The following PPP2CB variants were observed in gnomAD, a reference collection of about 807,000 sequenced individuals.
The protein encoded by PPP2CB is serine/threonine-protein phosphatase 2A catalytic subunit beta isoform.
PPP2CB carries 18 observed loss-of-function variants against 39.1 expected under a neutral mutation model. The ratio of observed to expected loss-of-function variants is 0.46; its 90% CI spans 0.32 to 0.68. The LOEUF (loss-of-function observed/expected upper bound fraction) is 0.68. PPP2CB is among the 30% of genes least tolerant of loss of function. The pLI, the probability that PPP2CB is intolerant of heterozygous loss-of-function variation, is 0.04. For synonymous variants in PPP2CB, 129 were observed against 133.8 expected, an observed-to-expected ratio of 0.96 and a Z score of 0.25; for missense variants, 226 against 396.9, an observed-to-expected ratio of 0.57 and a Z score of 3.66.
At position 30,799,641 on chromosome 8, in the gene PPP2CB, C is replaced by T. The variant is rs1240191219; in HGVS notation, c.217G>A (p.Gly73Arg). The T allele has an allele frequency of 1.2e-6, 2 of 1,613,874 alleles. No homozygotes were observed. The highest frequency in any genetic ancestry group is 8.5e-7 in the Non-Finnish European group (1 of 1,179,932). Residue 73 changes from glycine (G) to arginine (R), a missense_variant, in exon 2 of 7, where the codon GGA becomes AGA. Transcript: ENST00000221138. ...HDLMELFRIGGKSPDTNYLFM... is the reference protein window; with the variant it reads ...HDLMELFRIGRKSPDTNYLFM... ...AAGTAGTTTGTATCCGGTGATTTTC[C>T]ACCAATTCTAAAGAGTTCCATAAGA...
chr8:30,793,643 A>G (rs1054457642), intron 5 of PPP2CB: 2 of 285,126 alleles, frequency 7.0e-6, no homozygotes, highest in African/African-American at 2.2e-5. Flanking sequence ...AAGCAAATAT[A>G]GTAAAATATT....
chr8:30,788,815 T>C, intron 6 of PPP2CB, among the ~76,000 whole-genome samples: 1 of 152,228 alleles, frequency 6.6e-6, no homozygotes, highest in East Asian at 1.9e-4. Flanking sequence ...TGTTGCTTAG[T>C]TTTTTCCTGT....
chr8:30,800,014 T>C (rs910416641), intron 1 of PPP2CB, among the ~76,000 whole-genome samples: 1 of 152,224 alleles, frequency 6.6e-6, no homozygotes, highest in Non-Finnish European at 1.5e-5. Context: ...GAAAACTGTC[T>C]GGCAGTTCCT....
chr8:30,789,361 G>T (rs966445499), intron 6 of PPP2CB, among the ~76,000 whole-genome samples: 1 of 152,156 alleles, frequency 6.6e-6, no homozygotes, highest in East Asian at 1.9e-4. Flanking sequence ...TCACAGCCTG[G>T]CTACTGAGGG....
At position 30,797,738 on chromosome 8, in the gene PPP2CB, C is replaced by T. The variant is rs376338377; in HGVS notation, c.329G>A (p.Arg110His). ...LVALKVRYPE[R>H]ITILRGNHES... Reference sequence around the variant, plus strand: ...GTGATTTCCTCTCAATATTGTAATGCGTTCTGGATAACGCACCTGGAAGAA... The same window carrying T: ...GTGATTTCCTCTCAATATTGTAATGTGTTCTGGATAACGCACCTGGAAGAA... Residue 110 changes from arginine to histidine, a missense_variant, in exon 3 of 7, where the codon CGC becomes CAC. Physicochemically the swap from Arg to His is conservative, Grantham distance 29. Transcript: ENST00000221138. 1 of 1,613,274 alleles carries T rather than the reference C, an allele frequency of 6.2e-7. No homozygotes were observed. The highest frequency in any genetic ancestry group is 1.3e-5 in the African/African-American group (1 of 74,986).
chr8:30,792,186 T>C (rs533987790), intron 5 of PPP2CB, among the ~76,000 whole-genome samples: 73 of 150,902 alleles, frequency 4.8e-4, no homozygotes, highest in African/African-American at 1.6e-3. Flanking sequence ...CCCCGAGTAG[T>C]TGGGACTACA....
chr8:30,794,824 A>G (rs2128760973), intron 3 of PPP2CB, among the ~76,000 whole-genome samples: 1 of 152,308 alleles, frequency 6.6e-6, no homozygotes, highest in Non-Finnish European at 1.5e-5. Context: ...TTTCTCTTAC[A>G]GCAAACACTC....
rs1455442353 is a variant in PPP2CB at position 30,786,581 on chromosome 8, ATAAT to A, written c.858-278_858-275del. On this transcript the variant is annotated intron_variant, in intron 6 of 6. Transcript: ENST00000221138. ...ATGTTATTATTATTTAAAAGCTTAAATAATTAAAGATTAAATAATATCAAGTTTA... is the reference window on the plus strand; with the variant it reads ...ATGTTATTATTATTTAAAAGCTTAAATAAAGATTAAATAATATCAAGTTTA... 11 of 198,106 alleles carry A rather than the reference ATAAT, an allele frequency of 5.6e-5. No homozygotes were observed. In the East Asian group the frequency reaches 5.6e-4, roughly 10 times the overall value. The allele number at this position is 198,106 out of a possible 1,614,324, so 12.3% of individuals were successfully genotyped here. A position where few individuals can be genotyped will look rare whatever the true frequency, so the allele number is the denominator to read the frequency against.
chr8:30,786,944 C>A (rs1201743445), intron 6 of PPP2CB, among the ~76,000 whole-genome samples: 2 of 152,116 alleles, frequency 1.3e-5, no homozygotes, highest in African/African-American at 4.8e-5. Context: ...GGATTACAGG[C>A]GTGAGCCACC....
intron 1 of PPP2CB, chr8:30,810,282 C>T (rs916596997): frequency 6.6e-6 from 1 of 152,272 alleles, no homozygotes; most frequent in African/African-American, 2.4e-5. Flanking sequence ...AAAACCCCAT[C>T]TCTACTAGAA....
intron 1 of PPP2CB, among the ~76,000 whole-genome samples, chr8:30,805,323 G>C (rs554773418): frequency 3.3e-5 from 5 of 152,302 alleles, no homozygotes; most frequent in Admixed American, 2.6e-4. Flanking sequence ...ACTTTGGGAG[G>C]CTGAGGCAGG....
intron 6 of PPP2CB, 108 bp from the exon 7 acceptor site, chr8:30,786,415 A>G (rs1179588228): frequency 3.5e-6 from 3 of 866,258 alleles, no homozygotes; most frequent in Non-Finnish European, 3.6e-6. Flanking sequence ...CTTTCCCACC[A>G]TGACTACATC....
Position 30,802,651 on chromosome 8 carries a change from C to T in PPP2CB, c.103-2896G>A, listed in dbSNP as rs892708204. Among the ~76,000 whole-genome samples the T allele has an allele frequency of 5.3e-5, 8 of 151,746 alleles. 1 individual carries two copies. The highest frequency in any genetic ancestry group is 2.0e-4 in the Admixed American group (3 of 15,234). ...TGAGCCACCGTGACTGGCCAATGCTCGAAATTTTAAAAAACAAATTCTGTA... is the reference window on the plus strand; with the variant it reads ...TGAGCCACCGTGACTGGCCAATGCTTGAAATTTTAAAAAACAAATTCTGTA... On this transcript the variant is annotated intron_variant, in intron 1 of 6. Transcript: ENST00000221138.
chr8:30,797,497 A>G, intron 3 of PPP2CB, 84 bp downstream of exon 3: 1 of 1,315,792 alleles, frequency 7.6e-7, no homozygotes, highest in South Asian at 1.5e-5. Context: ...AACACAGGTC[A>G]TATGAATCTA....
At chr8:30,803,423 T>C (rs1250927295) in intron 1 of PPP2CB, among the ~76,000 whole-genome samples, 1 of 152,064 alleles carries the variant, frequency 6.6e-6, no homozygotes, top group Non-Finnish European at 1.5e-5. Context: ...TGTATTCCTG[T>C]AGTCTCAGCT....
At chr8:30,799,777 C>T (rs372626565) in intron 1 of PPP2CB, 22 bp from the exon 2 acceptor site, 578 of 1,599,114 alleles carry the variant, frequency 3.6e-4, no homozygotes, top group Non-Finnish European at 4.3e-4. Flanking sequence ...GTGAAATCAA[C>T]AATTACAAAG....
In PPP2CB at chr8:30,791,214, G is replaced by A. The variant is rs1806422352; in HGVS notation, c.840C>T (p.Asp280=). 3 of 1,603,612 alleles carry A rather than the reference G, an allele frequency of 1.9e-6. No individual in the cohort carries two copies. The highest frequency in any genetic ancestry group is 4.5e-5 in the East Asian group (2 of 44,696). The change falls in exon 6 of 7, where the codon GAC becomes GAT. Residue 280 remains aspartate (D), a synonymous_variant. Transcript: ENST00000221138. ...GNQAAIMELD[D]TLKYSFLQFD... ...TTACTCACAAGGAATATTTTAAAGT[G>A]TCATCTAATTCCATGATAGCAGCCT...
chr8:30,799,800 TTTC>T (rs1377552818), intron 1 of PPP2CB, 45 bp from the exon 2 acceptor site: 3 of 1,552,346 alleles, frequency 1.9e-6, no homozygotes, highest in Admixed American at 1.8e-5. Context: ...AAAACTATCA[TTTC>T]TTATCTATTA....
chr8:30,797,351 G>A (rs529963632), intron 3 of PPP2CB, among the ~76,000 whole-genome samples: 17 of 152,198 alleles, frequency 1.1e-4, no homozygotes, highest in African/African-American at 3.6e-4. Flanking sequence ...CATATTCTTT[G>A]GTTAAAAGAT....
Sources: gnomAD v4.1 joint callset for allele counts (sites outside exome capture counted in the v4.1 genomes callset) on GRCh38, gnomAD v4.1.1 for gene constraint, MANE v1.5 for transcripts, NCBI Gene and HGNC (gene_info 2026-07-23, HGNC 2026-07-21) for gene names.